The following NSMCE2 variants were observed in gnomAD, a reference collection of about 807,000 sequenced individuals.
NSMCE2 encodes E3 SUMO-protein ligase NSE2.
In NSMCE2, 24 loss-of-function variants were observed where a neutral mutation model predicts 23.8. The observed-to-expected ratio is 1.01, with a 90% CI of 0.73 to 1.42. The LOEUF (loss-of-function observed/expected upper bound fraction) is 1.42, where lower values mean the gene tolerates loss of function less well. Among genes scored for constraint, NSMCE2 ranks in the 40% most tolerant of loss-of-function variants. NSMCE2 has a pLI of 0.00. For synonymous variants in NSMCE2, 92 were observed against 94.1 expected (o/e 0.98, Z 0.13); for missense variants, 284 against 296.5 (o/e 0.96, Z 0.31).
chr8:125,307,857 A>T (rs1828824286), intron 5 of NSMCE2, among the ~76,000 whole-genome samples: 1 of 152,198 alleles, frequency 6.6e-6, no homozygotes, highest in Non-Finnish European at 1.5e-5. Flanking sequence ...TGTGAGCTGG[A>T]TCTCACCCAC....
intron 5 of NSMCE2, among the ~76,000 whole-genome samples, chr8:125,199,279 C>T (rs899494890): frequency 1.3e-5 from 2 of 151,994 alleles, no homozygotes; most frequent in African/African-American, 2.4e-5. Context: ...GTTAGGGTGT[C>T]GATTTTAGAT....
rs116001620 is a variant in NSMCE2 at position 125,341,884 on chromosome 8, G to A, written c.419-15335G>A. Reference sequence around the variant, plus strand: ...CGAGAGTCCATGTGCAATGCACTGAGGATCTAGAAATGGAAAAAAAAAAAA... The same window carrying A: ...CGAGAGTCCATGTGCAATGCACTGAAGATCTAGAAATGGAAAAAAAAAAAA... On this transcript the variant is annotated intron_variant, in intron 5 of 7. Transcript: ENST00000287437. 5.1e-3 allele frequency among the ~76,000 whole-genome samples: 607 copies of A among 120,176 alleles called. 2 individuals carry two copies. The highest frequency in any genetic ancestry group is 0.018 in the African/African-American group (581 of 31,442). The allele number at this position is 120,176 out of a possible 152,430, so 78.8% of individuals were successfully genotyped here.
intron 5 of NSMCE2, among the ~76,000 whole-genome samples, chr8:125,263,184 T>C (rs1329705059): frequency 2.0e-5 from 3 of 152,336 alleles, no homozygotes; most frequent in Non-Finnish European, 4.4e-5. Context: ...AGGTAGGAGA[T>C]GGCATCTGTC....
chr8:125,226,524 C>G (rs1010467910), intron 5 of NSMCE2, among the ~76,000 whole-genome samples: 1 of 152,088 alleles, frequency 6.6e-6, no homozygotes, highest in Non-Finnish European at 1.5e-5. Context: ...AGATCTCATT[C>G]GTGATGCTTG....
chr8:125,145,881 G>A (rs1352504442), intron 3 of NSMCE2, among the ~76,000 whole-genome samples: 3 of 152,100 alleles, frequency 2.0e-5, no homozygotes, highest in Non-Finnish European at 4.4e-5. Flanking sequence ...CTTAGCAGCT[G>A]GAGTTGACTT....
chr8:125,168,339 G>A (rs72720553), intron 4 of NSMCE2, among the ~76,000 whole-genome samples: 14,273 of 152,220 alleles, frequency 0.094, 720 homozygotes, highest in African/African-American at 0.1. Flanking sequence ...CTGGGAGGAG[G>A]ATGGAAGAAA....
At chr8:125,153,056 CAAAAAAAA>C (rs768246218) in intron 4 of NSMCE2, among the ~76,000 whole-genome samples, 2 of 47,458 alleles carry the variant, frequency 4.2e-5, no homozygotes, top group Admixed American at 2.4e-4. Flanking sequence ...GACTCCGTCT[CAAAAAAAA>C]AAAAAAAAAA....
chr8:125,345,222 T>C (rs945966091), intron 5 of NSMCE2, among the ~76,000 whole-genome samples: 2 of 150,876 alleles, frequency 1.3e-5, no homozygotes, highest in African/African-American at 5.0e-5. Flanking sequence ...CTTCCACCAA[T>C]GTGACCTCCG....
intron 7 of NSMCE2, among the ~76,000 whole-genome samples, chr8:125,365,813 C>T (rs11994181): frequency 6.6e-6 from 1 of 152,160 alleles, no homozygotes; most frequent in Admixed American, 6.5e-5. Flanking sequence ...GCTGAGATCA[C>T]GCCACTGCAC....
chr8:125,345,768 G>A (rs1305654348), intron 5 of NSMCE2, among the ~76,000 whole-genome samples: 1 of 152,186 alleles, frequency 6.6e-6, no homozygotes, highest in African/African-American at 2.4e-5. Flanking sequence ...GTCAGTCTGG[G>A]ATGGATATGG....
In NSMCE2 at chr8:125,366,898, GCCTGCAGGGACA is replaced by G. The variant is rs1235915230; in HGVS notation, c.*16_*27del. On this transcript the variant is annotated 3_prime_UTR_variant, in exon 8 of 8. Coordinates refer to ENST00000287437, the MANE Select transcript of NSMCE2 (RefSeq NM_173685.4). ...TCATTCCGAGTAGGAAAAGCCACCT[GCCTGCAGGGACA>G]CCAGCAGCCTACCTCCTACCCCAGC... 2 of 1,458,286 alleles carry G rather than the reference GCCTGCAGGGACA, an allele frequency of 1.4e-6. No individual in the cohort carries two copies. Among genetic ancestry groups the G allele is most frequent in the Admixed American group, 3.3e-5 (2 of 59,766 alleles). 90.3% of individuals were successfully genotyped at this position (1,458,286 alleles called of 1,614,324 possible). A position where few individuals can be genotyped will look rare whatever the true frequency, so the allele number is the denominator to read the frequency against.
intron 1 of NSMCE2, among the ~76,000 whole-genome samples, chr8:125,101,660 A>G (rs868076184): frequency 2.0e-5 from 3 of 152,222 alleles, no homozygotes; most frequent in Middle Eastern, 3.2e-3. Context: ...TACTAAGCTG[A>G]AACAAATTGT....
intron 5 of NSMCE2, among the ~76,000 whole-genome samples, chr8:125,266,340 T>A (rs1826917413): frequency 6.6e-6 from 1 of 152,216 alleles, no homozygotes; most frequent in Non-Finnish European, 1.5e-5. Flanking sequence ...AACTGTAGAA[T>A]GAAATAGTGG....
intron 5 of NSMCE2, among the ~76,000 whole-genome samples, chr8:125,289,832 C>G (rs1023271993): frequency 1.3e-5 from 2 of 152,212 alleles, no homozygotes; most frequent in African/African-American, 4.8e-5. Flanking sequence ...GTTAATCACA[C>G]TAGCTGATCA....
chr8:125,131,940 C>T (rs184256142), intron 3 of NSMCE2, among the ~76,000 whole-genome samples: 143 of 152,288 alleles, frequency 9.4e-4, no homozygotes, highest in African/African-American at 3.2e-3. Flanking sequence ...TCTGGGCAGC[C>T]TGTCTCCAGA....
chr8:125,152,243 T>C (rs1821075878), intron 4 of NSMCE2, among the ~76,000 whole-genome samples: 1 of 152,240 alleles, frequency 6.6e-6, no homozygotes, highest in African/African-American at 2.4e-5. Flanking sequence ...CTATTGTGAC[T>C]GTTAGTCCTG....
intron 5 of NSMCE2, among the ~76,000 whole-genome samples, chr8:125,319,896 G>A (rs1227167361): frequency 6.6e-6 from 1 of 152,044 alleles, no homozygotes; most frequent in East Asian, 1.9e-4. Flanking sequence ...ATTGTGGCTG[G>A]CCAGGCGTGG....
chr8:125,201,915 T>G (rs1212167115), intron 5 of NSMCE2, among the ~76,000 whole-genome samples: 1 of 151,912 alleles, frequency 6.6e-6, no homozygotes, highest in East Asian at 1.9e-4. Flanking sequence ...CACCCCACCG[T>G]CCCCCACCCC....
intron 5 of NSMCE2, among the ~76,000 whole-genome samples, chr8:125,321,289 A>T (rs1829446658): frequency 6.6e-6 from 1 of 152,220 alleles, no homozygotes; most frequent in South Asian, 2.1e-4. Flanking sequence ...TAACCTCTGT[A>T]ATCATTGAGT....
Sources: allele counts gnomAD v4.1 joint callset (sites outside exome capture counted in the v4.1 genomes callset), GRCh38; gene constraint gnomAD v4.1.1; transcripts MANE v1.5; gene names NCBI Gene and HGNC (gene_info 2026-07-23, HGNC 2026-07-21).